The following MMP26 variants were observed in gnomAD, a reference collection of about 807,000 sequenced individuals.
The protein encoded by MMP26 is matrix metallopeptidase 26.
Under a neutral mutation model 31.0 loss-of-function variants are expected in MMP26, and 33 were observed. That is an observed-to-expected ratio of 1.06 (90% confidence interval 0.81 to 1.42). The LOEUF (loss-of-function observed/expected upper bound fraction) is 1.42, where lower values mean the gene tolerates loss of function less well. Among genes scored for constraint, MMP26 ranks in the 40% most tolerant of loss-of-function variants. The pLI is 0.00. For missense variants in MMP26, 347 were observed against 316.1 expected (o/e 1.10, Z -0.74); for synonymous variants, 122 against 114.9 (o/e 1.06, Z -0.40).
chr11:4,989,366 A>G (rs1846957915), intron 3 of MMP26, among the ~76,000 whole-genome samples: 1 of 152,148 alleles, frequency 6.6e-6, no homozygotes, highest in Admixed American at 6.5e-5. Flanking sequence ...CCTGTCGTTT[A>G]TACTTGGGTT....
chr11:4,991,035 T>C (rs1322331134), intron 5 of MMP26, among the ~76,000 whole-genome samples: 1 of 152,166 alleles, frequency 6.6e-6, no homozygotes, highest in African/African-American at 2.4e-5. Context: ...CTATTCAAAG[T>C]TGAACCAACT....
chr11:4,769,135 G>A (rs907819472), intron 2 of MMP26: 1 of 1,611,764 alleles, frequency 6.2e-7, no homozygotes, highest in Non-Finnish European at 8.5e-7. Flanking sequence ...GATACACCAA[G>A]GACAGGCTCA....
intron 2 of MMP26, chr11:4,848,206 C>T (rs1463074380): frequency 1.9e-6 from 3 of 1,569,608 alleles, no homozygotes; most frequent in Non-Finnish European, 2.6e-6. Context: ...ATCAGGAGCC[C>T]TGTACCACCA....
chr11:4,882,467 A>C, intron 2 of MMP26: 1 of 1,613,900 alleles, frequency 6.2e-7, no homozygotes, highest in Non-Finnish European at 8.5e-7. Context: ...GATCAAATAC[A>C]CATATTCCAA....
intron 1 of MMP26, among the ~76,000 whole-genome samples, chr11:4,731,296 C>T (rs981834639): frequency 3.3e-5 from 5 of 152,178 alleles, no homozygotes; most frequent in Non-Finnish European, 5.9e-5. Flanking sequence ...ACTGAATCAG[C>T]TTCCCCACCA....
intron 1 of MMP26, among the ~76,000 whole-genome samples, chr11:4,755,277 G>A (rs11033720): frequency 0.067 from 10,212 of 151,974 alleles, 635 homozygotes; most frequent in African/African-American, 0.17. Flanking sequence ...TAAAACTGAT[G>A]GATATTCTAA....
intron 2 of MMP26, chr11:4,822,316 A>G: frequency 1.3e-6 from 2 of 1,506,404 alleles, no homozygotes. Context: ...TGTAAAGATT[A>G]AGCAGATTCA....
chr11:4,897,689 A>T (rs1296849928), intron 2 of MMP26, among the ~76,000 whole-genome samples: 1 of 151,416 alleles, frequency 6.6e-6, no homozygotes, highest in Non-Finnish European at 1.5e-5. Context: ...AACAGAGTTG[A>T]TCCTTAGAGT....
intron 2 of MMP26, among the ~76,000 whole-genome samples, chr11:4,974,803 A>G (rs1846714335): frequency 6.6e-6 from 1 of 152,118 alleles, no homozygotes; most frequent in African/African-American, 2.4e-5. Flanking sequence ...TGTCCTTTGC[A>G]GGGACATGGA....
intron 2 of MMP26, chr11:4,803,473 C>A: frequency 1.2e-6 from 2 of 1,613,332 alleles, no homozygotes; most frequent in Admixed American, 3.3e-5. Flanking sequence ...AACCCTGTCC[C>A]CGATCTGTTT....
chr11:4,907,650 C>G (rs1200171640), intron 2 of MMP26: 4 of 1,613,926 alleles, frequency 2.5e-6, no homozygotes, highest in Non-Finnish European at 2.5e-6. Flanking sequence ...GGAATTTCAC[C>G]TAATGCCTGC....
intron 2 of MMP26, among the ~76,000 whole-genome samples, chr11:4,931,884 T>G (rs1455752989): frequency 6.6e-6 from 1 of 152,004 alleles, no homozygotes; most frequent in Non-Finnish European, 1.5e-5. Context: ...TTACTGCCTT[T>G]TAAGGAGGAA....
At position 4,862,432 on chromosome 11, in the gene MMP26, CAGG is replaced by C. The variant is rs200615428; in HGVS notation, c.-145+95094_-145+95096del. Among the ~76,000 whole-genome samples, 1,453 of 152,042 alleles carry C rather than the reference CAGG, an allele frequency of 9.6e-3. 23 individuals are homozygous for C. The highest frequency in any genetic ancestry group is 0.033 in the African/African-American group (1,385 of 41,352). ...TATGGATGATTGAATGTCAATCTTT[CAGG>C]AGAAGTCTTAGAATCCCTCAAACTC... On this transcript the variant is annotated intron_variant, in intron 2 of 7. Transcript: ENST00000380390.
At position 4,819,566 on chromosome 11, in the gene MMP26, A is replaced by AT. The variant is rs71050433; in HGVS notation, c.-145+52255dup. ...GATGGTCACTGAAATGAGTCGACTG[A>AT]TTTTTTTTTTTTTTTTTTTTTTTTT... On this transcript the variant is annotated intron_variant, in intron 2 of 7. Coordinates refer to ENST00000380390, the MANE Select transcript of MMP26 (RefSeq NM_021801.5). Among the ~76,000 whole-genome samples the AT allele has an allele frequency of 2.2e-3, 113 of 50,296 alleles. 7 individuals carry two copies. The highest frequency in any genetic ancestry group is 0.012 in the East Asian group (13 of 1,072). The allele number at this position is 50,296 out of a possible 152,430, so 33.0% of individuals were successfully genotyped here. A position where few individuals can be genotyped will look rare whatever the true frequency, so the allele number is the denominator to read the frequency against.
chr11:4,856,910 T>A (rs1057471575), intron 2 of MMP26, among the ~76,000 whole-genome samples: 1 of 152,180 alleles, frequency 6.6e-6, no homozygotes, highest in Non-Finnish European at 1.5e-5. Flanking sequence ...AACTCAGGAT[T>A]AAGAAACTCA....
intron 2 of MMP26, among the ~76,000 whole-genome samples, chr11:4,864,935 A>G (rs1452105905): frequency 2.6e-5 from 4 of 152,042 alleles, no homozygotes; most frequent in Non-Finnish European, 5.9e-5. Flanking sequence ...AGAGTTCGTG[A>G]GTCTTATATA....
intron 2 of MMP26, among the ~76,000 whole-genome samples, chr11:4,785,686 T>C (rs1360891963): frequency 1.3e-5 from 2 of 152,258 alleles, no homozygotes; most frequent in Admixed American, 6.5e-5. Flanking sequence ...TTTCAAATTC[T>C]GCAAATAGAA....
chr11:4,755,733 A>G (rs945165139), intron 1 of MMP26, among the ~76,000 whole-genome samples: 3 of 152,084 alleles, frequency 2.0e-5, no homozygotes, highest in Non-Finnish European at 4.4e-5. Context: ...TGGAAATTAT[A>G]CCAGAAACTG....
At chr11:4,720,890 A>G (rs1328854310) in intron 1 of MMP26, among the ~76,000 whole-genome samples, 1 of 152,172 alleles carries the variant, frequency 6.6e-6, no homozygotes, top group Non-Finnish European at 1.5e-5. Flanking sequence ...CTGATGGTTG[A>G]TTCTATTTCT....
Sources: allele counts gnomAD v4.1 joint callset (sites outside exome capture counted in the v4.1 genomes callset), GRCh38; gene constraint gnomAD v4.1.1; transcripts MANE v1.5; gene names NCBI Gene and HGNC (gene_info 2026-07-23, HGNC 2026-07-21).